Variants in PCCA observed in about 807,000 individuals in gnomAD.
The protein encoded by PCCA is propionyl-CoA carboxylase alpha chain, mitochondrial.
A neutral mutation model predicts 101.3 loss-of-function variants in PCCA; 74 were observed. The observed-to-expected ratio is 0.73, with a 90% CI of 0.61 to 0.89. The LOEUF is 0.89. Ranked by LOEUF, PCCA falls within the 40% of genes least tolerant of loss-of-function variation. PCCA has a pLI of 0.00. For synonymous variants in PCCA, 294 were observed against 313.6 expected (o/e 0.94, Z 0.66); for missense variants, 891 against 907.0 (o/e 0.98, Z 0.23).
At chr13:100,463,174 G>A (rs775689511) in intron 21 of PCCA, among the ~76,000 whole-genome samples, 30 of 152,136 alleles carry the variant, frequency 2.0e-4, no homozygotes, top group Non-Finnish European at 3.5e-4. Context: ...GATGGGCAGG[G>A]CAACAAAGAT....
chr13:100,250,714 A>G (rs1342281687), intron 8 of PCCA, among the ~76,000 whole-genome samples: 1 of 152,074 alleles, frequency 6.6e-6, no homozygotes, highest in Non-Finnish European at 1.5e-5. Flanking sequence ...TAAATGTTAC[A>G]TTGTGTGTTT....
chr13:100,382,509 G>A lies in PCCA; in HGVS notation c.1746+13935G>A, dbSNP rs373909321. Among the ~76,000 whole-genome samples, 3 of 152,096 alleles carry A rather than the reference G, an allele frequency of 2.0e-5. No homozygotes were observed. In the South Asian group the frequency reaches 6.2e-4, roughly 32 times the overall value. On this transcript the variant is annotated intron_variant, in intron 19 of 23. Coordinates refer to ENST00000376285, the MANE Select transcript of PCCA (RefSeq NM_000282.4). ...GTCTCAGGCTTTTCAGCTTGAGGGT[G>A]GAACTTCACCAGGGACCCACACCTG...
intron 21 of PCCA, among the ~76,000 whole-genome samples, chr13:100,456,894 C>G (rs1433521272): frequency 2.0e-5 from 3 of 152,026 alleles, no homozygotes; most frequent in African/African-American, 7.3e-5. Context: ...ATCCAGCCTC[C>G]CACAAGAAGC....
chr13:100,434,675 T>C (rs1188925103), intron 20 of PCCA, among the ~76,000 whole-genome samples: 2 of 152,206 alleles, frequency 1.3e-5, no homozygotes, highest in Non-Finnish European at 2.9e-5. Flanking sequence ...GCATGGTCCC[T>C]CATAATGACC....
intron 21 of PCCA, among the ~76,000 whole-genome samples, chr13:100,451,571 C>A (rs55923562): frequency 6.6e-6 from 1 of 152,188 alleles, no homozygotes; most frequent in African/African-American, 2.4e-5. Context: ...GGTTTCTAAT[C>A]GGTTTCTCAA....
intron 18 of PCCA, among the ~76,000 whole-genome samples, chr13:100,362,395 A>T (rs1232266262): frequency 6.6e-6 from 1 of 152,234 alleles, no homozygotes; most frequent in East Asian, 1.9e-4. Context: ...TATGTGCCAA[A>T]CACTACTCTA....
intron 19 of PCCA, among the ~76,000 whole-genome samples, chr13:100,421,932 G>T (rs182864855): frequency 3.3e-5 from 5 of 152,102 alleles, no homozygotes; most frequent in African/African-American, 1.2e-4. Flanking sequence ...TGATCCGCCC[G>T]CCTCGGCCTC....
chr13:100,198,402 G>A (rs2058251368), intron 6 of PCCA: 1 of 152,228 alleles, frequency 6.6e-6, no homozygotes. Context: ...GCAGAGGTGA[G>A]TTCCTGTTCT....
rs1379813520 is a variant in PCCA at position 100,102,937 on chromosome 13, G to A, written c.160G>A (p.Val54Met). ...CLMVSRNLGS[V>M]GYDPNEKTFD... ...AATGGTGTCCCGTAATCTTGGTTCA[G>A]TGGGATATGATCCTAATGAAAAAGT... Residue 54 changes from valine to methionine, a missense_variant, in exon 2 of 24, where the codon GTG becomes ATG. Physicochemically the swap from Val to Met is conservative, Grantham distance 21 (BLOSUM62 1). Coordinates refer to ENST00000376285, the MANE Select transcript of PCCA (RefSeq NM_000282.4). 2 of 1,602,714 alleles carry A rather than the reference G, an allele frequency of 1.2e-6. No individual in the cohort carries two copies. Among genetic ancestry groups the A allele is most frequent in the Non-Finnish European group, 1.7e-6 (2 of 1,169,816 alleles).
intron 23 of PCCA, among the ~76,000 whole-genome samples, chr13:100,529,095 C>A (rs1373155115): frequency 1.3e-5 from 2 of 152,176 alleles, no homozygotes; most frequent in Non-Finnish European, 2.9e-5. Context: ...GTTCACCTCA[C>A]CCCATCCCCA....
intron 1 of PCCA, among the ~76,000 whole-genome samples, chr13:100,102,468 A>G (rs1168289273): frequency 6.6e-6 from 1 of 152,270 alleles, no homozygotes; most frequent in African/African-American, 2.4e-5. Flanking sequence ...TGAAGACATC[A>G]GCAAATATAA....
In PCCA at chr13:100,406,972, A is replaced by G. The variant is rs866177866; in HGVS notation, c.1747-18661A>G. Among the ~76,000 whole-genome samples, 6 of 152,328 alleles carry G rather than the reference A, an allele frequency of 3.9e-5. 1 individual carries two copies. The South Asian group carries it at 6.2e-4, about 16-fold the overall frequency. ...AGGACCTGTTAAAATTCTATAGCTT[A>G]TTATAAACCATCTTTTGAAAAGGAT... On this transcript the variant is annotated intron_variant, in intron 19 of 23. Coordinates refer to ENST00000376285, the MANE Select transcript of PCCA (RefSeq NM_000282.4).
At chr13:100,422,056 TCTC>T (rs1173556097) in intron 19 of PCCA, among the ~76,000 whole-genome samples, 3 of 49,818 alleles carry the variant, frequency 6.0e-5, no homozygotes. Flanking sequence ...CTTTTCCTTT[TCTC>T]TTCTCTTTTC....
chr13:100,512,342 T>C (rs2086546795), intron 21 of PCCA, among the ~76,000 whole-genome samples: 1 of 152,142 alleles, frequency 6.6e-6, no homozygotes, highest in Non-Finnish European at 1.5e-5. Context: ...CGGGTTCGGG[T>C]CACCTTTCCG....
rs1241099004 is a variant in PCCA, at chr13:100,530,197, TTTAA to T, written c.*35_*38del. 3.3e-6 allele frequency: 5 copies of T among 1,536,492 alleles called. No individual in the cohort carries two copies. Among genetic ancestry groups the T allele is most frequent in the African/African-American group, 1.4e-5 (1 of 73,588 alleles). On this transcript the variant is annotated 3_prime_UTR_variant, in exon 24 of 24. Coordinates refer to ENST00000376285, the MANE Select transcript of PCCA (RefSeq NM_000282.4). Reference sequence around the variant, plus strand: ...TTATAACCTTTCAGTCATCACCCAATTTAATTAGCCATTTGCATGATGCTTTCAC... The same window carrying T: ...TTATAACCTTTCAGTCATCACCCAATTTAGCCATTTGCATGATGCTTTCAC...
In PCCA at chr13:100,222,742, A is replaced by C. The variant is rs965897878; in HGVS notation, c.601-13100A>C. ...TAGTCTACAGTGTTTTTAAGACTAA[A>C]GTCTTTTCCTTGATAACTATATTCT... On this transcript the variant is annotated intron_variant, in intron 7 of 23. Coordinates refer to ENST00000376285, the MANE Select transcript of PCCA (RefSeq NM_000282.4). Among the ~76,000 whole-genome samples, 4 of 152,234 alleles carry C rather than the reference A, an allele frequency of 2.6e-5. No individual in the cohort carries two copies. In the East Asian group the frequency reaches 7.7e-4, roughly 29 times the overall value.
chr13:100,255,990 A>G (rs2062045203), intron 8 of PCCA, among the ~76,000 whole-genome samples: 2 of 152,084 alleles, frequency 1.3e-5, no homozygotes, highest in Admixed American at 1.3e-4. Context: ...AGTCCTGCTC[A>G]TTCTTCATAG....
chr13:100,254,452 A>T (rs952378377), intron 8 of PCCA, among the ~76,000 whole-genome samples: 4 of 152,194 alleles, frequency 2.6e-5, no homozygotes, highest in African/African-American at 9.6e-5. Context: ...TGTCCAGATG[A>T]GGTGAGGGGT....
intron 4 of PCCA, among the ~76,000 whole-genome samples, chr13:100,145,071 A>C (rs1846774066): frequency 6.6e-6 from 1 of 152,248 alleles, no homozygotes; most frequent in Admixed American, 6.5e-5. Flanking sequence ...TTAGTAGTTA[A>C]AAAGACTGAG....
Sources: allele counts gnomAD v4.1 joint callset (sites outside exome capture counted in the v4.1 genomes callset), GRCh38; gene constraint gnomAD v4.1.1; transcripts MANE v1.5; gene names NCBI Gene and HGNC (gene_info 2026-07-23, HGNC 2026-07-21).